The following DPP6 variants were observed in gnomAD, a reference collection of about 807,000 sequenced individuals.
DPP6 encodes A-type potassium channel modulatory protein DPP6.
In DPP6, 69 loss-of-function variants were observed where a neutral mutation model predicts 122.6. The ratio of observed to expected loss-of-function variants is 0.56; its 90% CI spans 0.46 to 0.69. The LOEUF is 0.69. DPP6 is among the 30% of genes least tolerant of loss of function. DPP6 has a pLI of 0.00. For missense variants in DPP6, 928 were observed against 1,116.9 expected, an observed-to-expected ratio of 0.83 and a Z score of 2.41; for synonymous variants, 418 against 433.1, an observed-to-expected ratio of 0.97 and a Z score of 0.43.
At chr7:154,208,732 A>G (rs1377633520) in intron 1 of DPP6, among the ~76,000 whole-genome samples, 1 of 152,088 alleles carries the variant, frequency 6.6e-6, no homozygotes, top group Non-Finnish European at 1.5e-5. Flanking sequence ...ATAAGTTTTC[A>G]TCTTTGGCAT....
intron 1 of DPP6, among the ~76,000 whole-genome samples, chr7:154,289,360 T>A (rs116449812): frequency 0.031 from 4,663 of 152,162 alleles, 198 homozygotes; most frequent in African/African-American, 0.09. Flanking sequence ...GGGTAACTGA[T>A]CTAATTATGA....
chr7:154,318,829 G>A (rs2151013553), intron 1 of DPP6, among the ~76,000 whole-genome samples: 1 of 152,096 alleles, frequency 6.6e-6, no homozygotes, highest in African/African-American at 2.4e-5. Context: ...GAGCTTATAT[G>A]TTAGAGAAAA....
chr7:154,668,523 A>G (rs1156268528), intron 6 of DPP6, among the ~76,000 whole-genome samples: 5 of 151,952 alleles, frequency 3.3e-5, no homozygotes, highest in African/African-American at 9.7e-5. Flanking sequence ...TCAGCCCCAC[A>G]TAAGAAATTA....
At chr7:154,669,498 A>C in intron 7 of DPP6, 57 bp downstream of exon 7, 1 of 1,545,344 alleles carries the variant, frequency 6.5e-7, no homozygotes, top group Admixed American at 2.0e-5. Context: ...TCTGTTTTCT[A>C]AGCTGAATGG....
At chr7:154,609,273 C>T (rs1413075745) in intron 5 of DPP6, among the ~76,000 whole-genome samples, 1 of 152,258 alleles carries the variant, frequency 6.6e-6, no homozygotes, top group South Asian at 2.1e-4. Context: ...CCAGTACTAT[C>T]TTTCTTTGCA....
At chr7:154,027,770 T>G (rs1222990520) in intron 1 of DPP6, among the ~76,000 whole-genome samples, 4 of 151,834 alleles carry the variant, frequency 2.6e-5, no homozygotes, top group African/African-American at 4.8e-5. Context: ...TTGTCCCTTC[T>G]TCCCCTTATC....
At chr7:154,335,100 A>G (rs564106999) in intron 1 of DPP6, among the ~76,000 whole-genome samples, 8 of 152,292 alleles carry the variant, frequency 5.3e-5, no homozygotes, top group African/African-American at 1.9e-4. Context: ...TTTGTGACCC[A>G]TAAGGGAGGG....
intron 1 of DPP6, among the ~76,000 whole-genome samples, chr7:154,359,613 TG>T (rs1322952654): frequency 6.6e-6 from 1 of 152,214 alleles, no homozygotes; most frequent in Non-Finnish European, 1.5e-5. Flanking sequence ...TGTCATTTTT[TG>T]TTCATTTGTT....
intron 1 of DPP6, among the ~76,000 whole-genome samples, chr7:154,218,666 T>C (rs1022489681): frequency 6.6e-6 from 1 of 152,216 alleles, no homozygotes. Flanking sequence ...TGATTCATCA[T>C]TTTCCTTGTC....
chr7:153,961,085 A>G (rs971871041), intron 1 of DPP6, among the ~76,000 whole-genome samples: 1 of 143,628 alleles, frequency 7.0e-6, no homozygotes, highest in Admixed American at 7.1e-5. Flanking sequence ...GGCTTTGAAA[A>G]TTGCTCTGAG....
At chr7:154,349,739 A>G (rs1185756233) in intron 1 of DPP6, among the ~76,000 whole-genome samples, 3 of 152,200 alleles carry the variant, frequency 2.0e-5, no homozygotes, top group African/African-American at 7.2e-5. Context: ...AGCACATCCA[A>G]ACCGGACCTT....
chr7:154,819,735 G>A (rs1362118942), intron 16 of DPP6, among the ~76,000 whole-genome samples: 2 of 152,112 alleles, frequency 1.3e-5, no homozygotes, highest in Non-Finnish European at 2.9e-5. Flanking sequence ...CTAGGAAGGG[G>A]CCCCAATGGA....
intron 16 of DPP6, among the ~76,000 whole-genome samples, chr7:154,814,887 T>A (rs562346592): frequency 6.6e-6 from 1 of 152,332 alleles, no homozygotes; most frequent in South Asian, 2.1e-4. Context: ...ACTTCTTATG[T>A]GGATGCCAAT....
intron 1 of DPP6, among the ~76,000 whole-genome samples, chr7:153,928,297 C>T (rs962812138): frequency 2.6e-5 from 4 of 151,028 alleles, no homozygotes; most frequent in African/African-American, 9.7e-5. Context: ...CTGCAACCTC[C>T]GTCTCCCAAG....
At chr7:154,323,958 A>T (rs1446321732) in intron 1 of DPP6, among the ~76,000 whole-genome samples, 1 of 152,186 alleles carries the variant, frequency 6.6e-6, no homozygotes, top group Non-Finnish European at 1.5e-5. Flanking sequence ...AAAACTACAA[A>T]ATCTCTCTTG....
At chr7:154,032,947 A>G in intron 1 of DPP6, among the ~76,000 whole-genome samples, 1 of 142,852 alleles carries the variant, frequency 7.0e-6, no homozygotes, top group East Asian at 2.2e-4. Context: ...GTGGCTTTAT[A>G]TACCTGTGGC....
intron 6 of DPP6, 89 bp downstream of exon 6, chr7:154,637,962 G>A (rs1029762135): frequency 2.4e-5 from 33 of 1,403,154 alleles, no homozygotes; most frequent in African/African-American, 1.2e-4. Context: ...CCCTTAGGGC[G>A]GGAAATGGCG....
chr7:154,187,727 TCTC>T (rs1015289115), intron 1 of DPP6, among the ~76,000 whole-genome samples: 108 of 152,178 alleles, frequency 7.1e-4, no homozygotes, highest in African/African-American at 2.5e-3. Context: ...AGTGGTCACT[TCTC>T]CTCCCTAAGC....
the DPP6 span, among the ~76,000 whole-genome samples, chr7:153,767,431 A>G: frequency 6.6e-6 from 1 of 152,202 alleles, no homozygotes; most frequent in Admixed American, 6.5e-5. Flanking sequence ...ACAGTGGTAC[A>G]ATCTCGGCTC....
Sources: allele counts gnomAD v4.1 joint callset (sites outside exome capture counted in the v4.1 genomes callset), GRCh38; gene constraint gnomAD v4.1.1; transcripts MANE v1.5; gene names NCBI Gene and HGNC (gene_info 2026-07-23, HGNC 2026-07-21).